PDXDC1: variants seen among roughly 807,000 people sequenced by gnomAD.
PDXDC1 encodes the protein pyridoxal dependent decarboxylase domain containing 1.
PDXDC1 carries 42 observed loss-of-function variants against 100.1 expected under a neutral mutation model. The ratio of observed to expected loss-of-function variants is 0.42; its 90% CI spans 0.33 to 0.54. The LOEUF (loss-of-function observed/expected upper bound fraction) is 0.54. Ranked by LOEUF, PDXDC1 falls within the 20% of genes least tolerant of loss-of-function variation. The pLI is 0.10. For synonymous variants in PDXDC1, 260 were observed against 371.7 expected (o/e 0.70, Z 3.46); for missense variants, 636 against 979.2 (o/e 0.65, Z 4.68).
intron 16 of PDXDC1, among the ~76,000 whole-genome samples, chr16:15,064,301 G>A (rs2044858803): frequency 6.6e-6 from 1 of 151,756 alleles, no homozygotes. Context: ...TCAGCCTCCC[G>A]AGTAGCTGGA....
At chr16:14,986,132 A>G (rs1262264646) in intron 1 of PDXDC1, among the ~76,000 whole-genome samples, 18 of 152,380 alleles carry the variant, frequency 1.2e-4, no homozygotes, top group Admixed American at 3.3e-4. Context: ...AATGCTCACG[A>G]AGGTATGAAT....
At chr16:14,995,983 T>C (rs1378694477) in intron 1 of PDXDC1, among the ~76,000 whole-genome samples, 2 of 152,292 alleles carry the variant, frequency 1.3e-5, no homozygotes, top group African/African-American at 4.8e-5. Flanking sequence ...GGATTGGTGG[T>C]GATATCCCCT....
chr16:15,133,758 G>A, intron 16 of PDXDC1: 1 of 1,592,628 alleles, frequency 6.3e-7, no homozygotes, highest in Non-Finnish European at 8.6e-7. Context: ...CACAGTCGGG[G>A]GATCCCGCTG....
intron 16 of PDXDC1, chr16:15,065,344 G>A (rs1387637113): frequency 1.9e-6 from 3 of 1,613,550 alleles, no homozygotes; most frequent in Non-Finnish European, 2.5e-6. Flanking sequence ...TCTCAATGAT[G>A]GTGTAGCAGA....
downstream of PDXDC1, among the ~76,000 whole-genome samples, chr16:15,142,665 C>T (rs2048493171): frequency 6.6e-6 from 1 of 152,150 alleles, no homozygotes; most frequent in Non-Finnish European, 1.5e-5. Flanking sequence ...CCGTACTTTT[C>T]CACGTCTGCA....
intron 8 of PDXDC1, among the ~76,000 whole-genome samples, chr16:15,012,907 C>G (rs1412186381): frequency 3.3e-5 from 5 of 152,056 alleles, no homozygotes; most frequent in Admixed American, 2.0e-4. Flanking sequence ...CACAGTGACT[C>G]AAGCCTGTAA....
intron 1 of PDXDC1, among the ~76,000 whole-genome samples, chr16:14,992,259 C>T (rs1971020755): frequency 6.6e-6 from 1 of 152,264 alleles, no homozygotes; most frequent in Non-Finnish European, 1.5e-5. Flanking sequence ...TGGGAAAGAG[C>T]AAAAGTGGCT....
chr16:15,043,402 G>C (rs756648220), intron 16 of PDXDC1, among the ~76,000 whole-genome samples: 2 of 152,198 alleles, frequency 1.3e-5, no homozygotes, highest in Non-Finnish European at 2.9e-5. Context: ...AAATCAGCTG[G>C]GCATGGTGGC....
intron 16 of PDXDC1, chr16:15,060,320 G>A: frequency 4.6e-6 from 1 of 217,714 alleles, no homozygotes; most frequent in Non-Finnish European, 9.5e-6. Flanking sequence ...ACCAAACCCG[G>A]AAAAGAAAAC....
intron 16 of PDXDC1, chr16:15,126,905 G>A (rs1161326652): frequency 4.1e-5 from 9 of 220,532 alleles, no homozygotes; most frequent in South Asian, 3.4e-4. Context: ...TGATCTGCCC[G>A]CCTCGGCCTC....
At chr16:15,077,275 G>A (rs1375681663) in intron 16 of PDXDC1, among the ~76,000 whole-genome samples, 6 of 152,080 alleles carry the variant, frequency 3.9e-5, no homozygotes, top group African/African-American at 1.4e-4. Context: ...CACCGCGCCT[G>A]GCCCCAAATC....
At chr16:15,011,305 A>G (rs1260549286) in intron 8 of PDXDC1, among the ~76,000 whole-genome samples, 4 of 152,294 alleles carry the variant, frequency 2.6e-5, no homozygotes, top group Non-Finnish European at 4.4e-5. Context: ...CGAGGGAGAA[A>G]GGACCATCTT....
chr16:15,022,774 C>G lies in PDXDC1; in HGVS notation c.1140+20C>G, dbSNP rs1344377168. ...ATCTTGGTATAGTATATAAGTTCAT[C>G]TGTTTTCAAAATATAACTTTTTTTG... On this transcript the variant is annotated intron_variant, in intron 13 of 22. Coordinates refer to ENST00000396410, the MANE Select transcript of PDXDC1 (RefSeq NM_015027.4). 1 of 1,575,428 alleles carries G rather than the reference C, an allele frequency of 6.3e-7. No individual in the cohort carries two copies. Among genetic ancestry groups the G allele is most frequent in the Non-Finnish European group, 8.6e-7 (1 of 1,156,134 alleles).
intron 16 of PDXDC1, among the ~76,000 whole-genome samples, chr16:15,111,810 G>C (rs2047080034): frequency 6.8e-6 from 1 of 146,144 alleles, no homozygotes; most frequent in Non-Finnish European, 1.5e-5. Flanking sequence ...CAACTGAACT[G>C]TACACTTCAA....
rs779952938 is a variant in PDXDC1 at position 15,033,236 on chromosome 16, C to T, written c.1691-42C>T. 4 of 1,610,660 alleles carry T rather than the reference C, an allele frequency of 2.5e-6. No individual in the cohort carries two copies. In the African/African-American group the frequency reaches 5.3e-5, roughly 22 times the overall value. On this transcript the variant is annotated intron_variant, in intron 18 of 22. Transcript: ENST00000396410. ...GAGTAGGTCCACGTCTCACCCATGA[C>T]AGAGGACTGAGAAACTCAAGTTTGT...
chr16:15,143,035 G>C (rs1020936733), downstream of PDXDC1, among the ~76,000 whole-genome samples: 114 of 152,276 alleles, frequency 7.5e-4, no homozygotes, highest in African/African-American at 2.5e-3. Context: ...GTGCCCGAGG[G>C]CCAGGATGTG....
chr16:15,145,266 G>C, the PDXDC1 span, among the ~76,000 whole-genome samples: 1 of 152,226 alleles, frequency 6.6e-6, no homozygotes, highest in African/African-American at 2.4e-5. Context: ...AGATCCAGCG[G>C]GGCAGCCGGA....
chr16:15,147,230 G>C, the PDXDC1 span, among the ~76,000 whole-genome samples: 14 of 152,104 alleles, frequency 9.2e-5, no homozygotes, highest in Middle Eastern at 3.4e-3. Flanking sequence ...TCAGCCCCTC[G>C]GGGAGTGCAA....
downstream of PDXDC1, chr16:15,040,022 C>A: frequency 1.2e-6 from 2 of 1,612,372 alleles, no homozygotes; most frequent in South Asian, 2.2e-5. Flanking sequence ...GGACCCCGAT[C>A]TTGAAAGGAT....
Sources: gnomAD v4.1 joint callset for allele counts (sites outside exome capture counted in the v4.1 genomes callset) on GRCh38, gnomAD v4.1.1 for gene constraint, MANE v1.5 for transcripts, NCBI Gene and HGNC (gene_info 2026-07-23, HGNC 2026-07-21) for gene names.